ITIH4: variants seen among roughly 807,000 people sequenced by gnomAD.
ITIH4 encodes the protein inter-alpha-trypsin inhibitor heavy chain 4.
In ITIH4, 79 loss-of-function variants were observed where a neutral mutation model predicts 111.8. The observed-to-expected ratio is 0.71, with a 90% CI of 0.59 to 0.85. ITIH4 has a LOEUF of 0.85. Ranked by LOEUF, ITIH4 falls within the 40% of genes least tolerant of loss-of-function variation. ITIH4 has a pLI of 0.00. For synonymous variants in ITIH4, 472 were observed against 468.3 expected (o/e 1.01, Z -0.10); for missense variants, 1,065 against 1,195.8 (o/e 0.89, Z 1.61).
At chr3:52,821,564 G>A (rs1439521489) in intron 11 of ITIH4, among the ~76,000 whole-genome samples, 2 of 152,290 alleles carry the variant, frequency 1.3e-5, no homozygotes, top group African/African-American at 4.8e-5. Context: ...GGGGTCAGAG[G>A]CAGAGTTGAG....
Position 52,821,053 on chromosome 3 carries a change from G to C in ITIH4, c.1617C>G (p.Ile539Met). The C allele has an allele frequency of 1.2e-6, 2 of 1,614,084 alleles. No individual in the cohort carries two copies. The highest frequency in any genetic ancestry group is 1.7e-6 in the Non-Finnish European group (2 of 1,180,032). ...QEAEFQSPKYIFHNFMERLWA... is the reference protein window; with the variant it reads ...QEAEFQSPKYMFHNFMERLWA... ...AGAGCCTCTCCATGAAGTTGTGGAA[G>C]ATATACTTGGGGCTCTGGAACTCCG... The change falls in exon 12 of 24, where the codon ATC becomes ATG. Residue 539 changes from isoleucine to methionine, a missense_variant. By Grantham distance (10) the Ile-to-Met change is conservative. Transcript: ENST00000266041.
At chr3:52,823,153 C>T (rs1044916085) in intron 11 of ITIH4, among the ~76,000 whole-genome samples, 2 of 152,178 alleles carry the variant, frequency 1.3e-5, no homozygotes, top group East Asian at 1.9e-4. Flanking sequence ...CAGGGTGCCA[C>T]GTGGCAAGCT....
At chr3:52,818,604 G>A (rs915269839) in intron 17 of ITIH4, 68 bp from the exon 18 acceptor site, 4 of 1,340,438 alleles carry the variant, frequency 3.0e-6, no homozygotes, top group South Asian at 1.2e-5. Flanking sequence ...AACCAGCAGC[G>A]CTGCCACCAA....
Position 52,813,334 on chromosome 3 carries a change from C to T in ITIH4, c.*87G>A. 1 of 1,151,378 alleles carries T rather than the reference C, an allele frequency of 8.7e-7. No homozygotes were observed. The highest frequency in any genetic ancestry group is 1.5e-5 in the African/African-American group (1 of 65,884). The allele number at this position is 1,151,378 out of a possible 1,614,324, so 71.3% of individuals were successfully genotyped here. ...TTTGTAATGAGTGGGACTCTTCCTC[C>T]CCATGGTGGTCCAGGCCCCAGAAGC... On this transcript the variant is annotated 3_prime_UTR_variant, in exon 24 of 24. Coordinates refer to ENST00000266041, the MANE Select transcript of ITIH4 (RefSeq NM_002218.5).
chr3:52,826,639 T>C lies in ITIH4; in HGVS notation c.532A>G (p.Ile178Val), dbSNP rs781162475. 2.5e-6 allele frequency: 4 copies of C among 1,613,872 alleles called. No individual in the cohort carries two copies. The highest frequency in any genetic ancestry group is 2.2e-5 in the South Asian group (2 of 91,066). Residue 178 changes from isoleucine to valine, a missense_variant, in exon 5 of 24, where the codon ATC (isoleucine) becomes GTC (valine). Ile to Val is a conservative substitution (Grantham distance 29, BLOSUM62 3). Coordinates refer to ENST00000266041, the MANE Select transcript of ITIH4 (RefSeq NM_002218.5). ...LVKHLQMDIH[I>V]FEPQGISFLE... ...AAGCTGATGCCCTGGGGCTCGAAGA[T>C]GTGAATGTCCATCTGGAGGCAAGAT...
At position 52,821,865 on chromosome 3, in the gene ITIH4, C is replaced by T. The variant is rs934521359; in HGVS notation, c.1540-735G>A. On this transcript the variant is annotated intron_variant, in intron 11 of 23. Coordinates refer to ENST00000266041, the MANE Select transcript of ITIH4 (RefSeq NM_002218.5). The stretch of plus-strand genomic sequence containing the variant: ...CTTTTCACAGTGCGGATCAGATCTG[C>T]GGTCTGCTCCCACTGGAGCAGCCTG... Among the ~76,000 whole-genome samples the T allele has an allele frequency of 5.9e-5, 9 of 152,312 alleles. No homozygotes were observed. In the South Asian group the frequency reaches 1.0e-3, roughly 18 times the overall value.
chr3:52,825,818 C>T, intron 6 of ITIH4, 68 bp downstream of exon 6: 1 of 1,533,350 alleles, frequency 6.5e-7, no homozygotes, highest in Non-Finnish European at 8.8e-7. Flanking sequence ...TTCTAAAATA[C>T]CCAAGCTCAG....
chr3:52,827,144 TG>T lies in ITIH4; in HGVS notation c.304del (p.Gln102ArgfsTer60). ...GGCCACTGCTGCGCTGTACTGTGCC[TG>T]GGCTTCAGCCTTCTCCTTGATGATC... ...PGIIKEKAEA[Q>X]AQYSAAVAKG... is the part of the protein sequence containing the mutation. On this transcript the variant is annotated frameshift_variant, in exon 3 of 24. Coordinates refer to ENST00000266041, the MANE Select transcript of ITIH4 (RefSeq NM_002218.5). LOFTEE classifies it high-confidence loss of function. 2 of 1,614,190 alleles carry T rather than the reference TG, an allele frequency of 1.2e-6. No individual in the cohort carries two copies. Among genetic ancestry groups the T allele is most frequent in the Non-Finnish European group, 1.7e-6 (2 of 1,180,032 alleles).
chr3:52,824,628 G>A lies in ITIH4; in HGVS notation c.877-63C>T. On this transcript the variant is annotated intron_variant, in intron 7 of 23. Coordinates refer to ENST00000266041, the MANE Select transcript of ITIH4 (RefSeq NM_002218.5). The surrounding 1 kb of genome is among the most constrained non-coding windows in gnomAD (Gnocchi z 4.3). Reference sequence around the variant, plus strand: ...CTCCCTGAGGGCTCGTGTGCCCTAGGGCTGGCATCCTTGGACTCCTGTCTC... The same window carrying A: ...CTCCCTGAGGGCTCGTGTGCCCTAGAGCTGGCATCCTTGGACTCCTGTCTC... 7.2e-6 allele frequency: 11 copies of A among 1,531,664 alleles called. No homozygotes were observed. Among genetic ancestry groups the A allele is most frequent in the South Asian group, 1.2e-5 (1 of 83,482 alleles). 94.9% of individuals were successfully genotyped at this position (1,531,664 alleles called of 1,614,324 possible).
chr3:52,829,810 G>A (rs10084693), intron 1 of ITIH4: 2,008 of 159,034 alleles, frequency 0.013, 46 homozygotes, highest in African/African-American at 0.046. Flanking sequence ...AGAATTCGGA[G>A]GTAGACTAGA....
chr3:52,824,104 C>T lies in ITIH4; in HGVS notation c.1171+86G>A, dbSNP rs1316311012. The T allele has an allele frequency of 1.9e-6, 3 of 1,582,034 alleles. No homozygotes were observed. The highest frequency in any genetic ancestry group is 2.7e-5 in the African/African-American group (2 of 74,312). The stretch of plus-strand genomic sequence containing the variant: ...GAGGGGCCTCAGTGACCCCCTCTCC[C>T]TGCCCAGATCCCACAGCAAGCCCAG... On this transcript the variant is annotated intron_variant, in intron 9 of 23. Transcript: ENST00000266041. This position sits in a 1 kb window ranked among gnomAD's most constrained non-coding sequence, Gnocchi z 4.3.
At chr3:52,830,418 T>A (rs954078292) in intron 1 of ITIH4, 135 bp downstream of exon 1, 3 of 836,828 alleles carry the variant, frequency 3.6e-6, no homozygotes, top group Non-Finnish European at 6.3e-6. Context: ...TGGCGGGAGG[T>A]CTGCACCATT....
At chr3:52,822,211 T>C (rs914450897) in intron 11 of ITIH4, 2 of 151,870 alleles carry the variant, frequency 1.3e-5, no homozygotes, top group Non-Finnish European at 2.9e-5. Context: ...GGTGTGGTGG[T>C]GGATGCTGGT....
chr3:52,819,237 A>T, intron 17 of ITIH4, 156 bp downstream of exon 17: 1 of 777,888 alleles, frequency 1.3e-6, no homozygotes, highest in Non-Finnish European at 2.1e-6. Flanking sequence ...AAATGATCCC[A>T]GGTTGAACTG....
Position 52,823,662 on chromosome 3 carries a change from G to A in ITIH4, c.1433C>T (p.Thr478Ile), listed in dbSNP as rs1700432057. The change falls in exon 11 of 24, where the codon ACT (threonine) becomes ATT (isoleucine). Residue 478 changes from threonine (T) to isoleucine (I), a missense_variant. Transcript: ENST00000266041. ...EYPSNAVEEV[T>I]QNNFRLLFKG... ...GAAGAGGAGCCGGAAGTTGTTCTGA[G>A]TGACCTCCTCCACGGCATTGCTTGG... 1.2e-6 allele frequency: 2 copies of A among 1,614,080 alleles called. No individual in the cohort carries two copies. The highest frequency in any genetic ancestry group is 1.7e-6 in the Non-Finnish European group (2 of 1,180,048).
intron 2 of ITIH4, among the ~76,000 whole-genome samples, chr3:52,827,511 A>C (rs1427510505): frequency 6.6e-6 from 1 of 152,216 alleles, no homozygotes; most frequent in Non-Finnish European, 1.5e-5. Flanking sequence ...CCACCTGTCC[A>C]GTCTGGCCGA....
chr3:52,818,005 G>A, intron 20 of ITIH4, 47 bp downstream of exon 20: 2 of 1,394,286 alleles, frequency 1.4e-6, no homozygotes, highest in Non-Finnish European at 1.0e-6. Context: ...GCAGGTGGTG[G>A]GTGTGTGCCA....
rs1446028628 is a variant in ITIH4 at position 52,824,377 on chromosome 3, A to C, written c.1045+20T>G. 6.2e-7 allele frequency: 1 copy of C among 1,613,360 alleles called. No individual in the cohort carries two copies. Among genetic ancestry groups the C allele is most frequent in the South Asian group, 1.1e-5 (1 of 91,066 alleles). On this transcript the variant is annotated intron_variant, in intron 8 of 23. Coordinates refer to ENST00000266041, the MANE Select transcript of ITIH4 (RefSeq NM_002218.5). The surrounding 1 kb of genome is among the most constrained non-coding windows in gnomAD (Gnocchi z 4.3). Reference sequence around the variant, plus strand: ...GGAGCCCTGGAAGCCCCCACCCTGCAGGGCCACAGAGACACTTACCTCCCA... The same window carrying C: ...GGAGCCCTGGAAGCCCCCACCCTGCCGGGCCACAGAGACACTTACCTCCCA...
At position 52,819,942 on chromosome 3, in the gene ITIH4, G is replaced by C; in HGVS notation, c.1910C>G (p.Pro637Arg). 1 of 1,613,786 alleles carries C rather than the reference G, an allele frequency of 6.2e-7. No individual in the cohort carries two copies. Among genetic ancestry groups the C allele is most frequent in the Non-Finnish European group, 8.5e-7 (1 of 1,179,786 alleles). Reference protein sequence around the residue: ...YYLQGAKIPKPEASFSPRRGW... With the variant: ...YYLQGAKIPKREASFSPRRGW... ...CCCCCCACCTCCTACTTTGTCACCT[G>C]GTTTTGGTATTTTTGCTCCCTGGAG... Residue 637 changes from proline (P) to arginine (R), a missense_variant and splice_region_variant, in exon 15 of 24, where the codon CCA becomes CGA. Transcript: ENST00000266041.
Sources: allele counts gnomAD v4.1 joint callset (sites outside exome capture counted in the v4.1 genomes callset), GRCh38; gene constraint gnomAD v4.1.1; non-coding constraint Gnocchi (gnomAD v3.1); transcripts MANE v1.5; gene names NCBI Gene and HGNC (gene_info 2026-07-23, HGNC 2026-07-21).